The following CSMD1 variants were observed in gnomAD, a reference collection of about 807,000 sequenced individuals.
CSMD1 encodes the protein CUB and Sushi multiple domains 1.
In CSMD1, 213 loss-of-function variants were observed where a neutral mutation model predicts 417.5. The observed-to-expected ratio is 0.51, with a 90% CI of 0.46 to 0.57. The LOEUF is 0.57. Ranked by LOEUF, CSMD1 falls within the 20% of genes least tolerant of loss-of-function variation. CSMD1 has a pLI of 0.00. For missense variants in CSMD1, 6,923 were observed against 4,529.7 expected (o/e 1.53, Z -15.17); for synonymous variants, 2,862 against 1,736.8 (o/e 1.65, Z -16.11).
chr8:4,188,595 C>G (rs1439331852), intron 3 of CSMD1, among the ~76,000 whole-genome samples: 1 of 152,092 alleles, frequency 6.6e-6, no homozygotes, highest in Non-Finnish European at 1.5e-5. Context: ...CTACAGTTCA[C>G]TGCAAGCTTA....
At chr8:3,023,480 C>A (rs2128972866) in intron 51 of CSMD1, among the ~76,000 whole-genome samples, 1 of 152,188 alleles carries the variant, frequency 6.6e-6, no homozygotes, top group South Asian at 2.1e-4. Context: ...TGTGTAGCCG[C>A]CTCTACATAT....
intron 3 of CSMD1, among the ~76,000 whole-genome samples, chr8:4,134,663 T>C (rs2680595): frequency 0.18 from 27,433 of 152,142 alleles, 2,677 homozygotes; most frequent in East Asian, 0.3. Flanking sequence ...CTAGAATCAT[T>C]CAAATTTTCC....
intron 40 of CSMD1, among the ~76,000 whole-genome samples, chr8:3,147,912 T>C (rs1029176557): frequency 2.0e-5 from 3 of 152,204 alleles, no homozygotes; most frequent in Non-Finnish European, 2.9e-5. Context: ...ATCACATATA[T>C]GCCTTTTCTC....
chr8:3,331,372 G>A (rs1235836501), intron 23 of CSMD1, among the ~76,000 whole-genome samples: 1 of 152,196 alleles, frequency 6.6e-6, no homozygotes, highest in Non-Finnish European at 1.5e-5. Context: ...AATTTCAGAT[G>A]TTTGCTAACA....
At chr8:3,785,950 T>C (rs1403828336) in intron 5 of CSMD1, among the ~76,000 whole-genome samples, 2 of 152,086 alleles carry the variant, frequency 1.3e-5, no homozygotes, top group East Asian at 1.9e-4. Context: ...AGGCAGACAA[T>C]TGGGTTAGAA....
chr8:3,631,472 C>G (rs911325333), intron 7 of CSMD1, among the ~76,000 whole-genome samples: 6 of 152,178 alleles, frequency 3.9e-5, no homozygotes, highest in Non-Finnish European at 4.4e-5. Flanking sequence ...TAAAACAACA[C>G]AGAGGCTGAG....
intron 10 of CSMD1, among the ~76,000 whole-genome samples, chr8:3,516,901 C>A (rs1311012839): frequency 1.3e-5 from 2 of 152,200 alleles, no homozygotes; most frequent in African/African-American, 2.4e-5. Flanking sequence ...CAATTCACAA[C>A]TGCAAAATCG....
intron 3 of CSMD1, among the ~76,000 whole-genome samples, chr8:4,072,161 C>G (rs1255570803): frequency 2.6e-5 from 4 of 152,220 alleles, no homozygotes; most frequent in Admixed American, 2.0e-4. Flanking sequence ...TTTCAACTTT[C>G]TAGTGCTACT....
At chr8:4,398,694 C>G (rs1393397129) in intron 3 of CSMD1, among the ~76,000 whole-genome samples, 3 of 152,116 alleles carry the variant, frequency 2.0e-5, no homozygotes, top group African/African-American at 7.2e-5. Flanking sequence ...CACACCCGGC[C>G]ACTCTGCAAC....
At chr8:3,467,930 T>A (rs1303592169) in intron 12 of CSMD1, among the ~76,000 whole-genome samples, 1 of 152,224 alleles carries the variant, frequency 6.6e-6, no homozygotes, top group African/African-American at 2.4e-5. Flanking sequence ...AAAAGTAGAA[T>A]AAAATACAGT....
At position 3,336,063 on chromosome 8, in the gene CSMD1, T is replaced by C. The variant is rs142482358; in HGVS notation, c.3631+7231A>G. Among the ~76,000 whole-genome samples the C allele has an allele frequency of 3.0e-3, 452 of 152,330 alleles. 2 individuals are homozygous for C. The highest frequency in any genetic ancestry group is 0.011 in the African/African-American group (441 of 41,576). On this transcript the variant is annotated intron_variant, in intron 23 of 69. Transcript: ENST00000635120. ...GTTGAGGTTAACGTACAAAGTGCTT[T>C]GAGTAACTGAAGTTAGAAAAAAATC...
intron 12 of CSMD1, among the ~76,000 whole-genome samples, chr8:3,421,110 T>C (rs756569507): frequency 1.3e-5 from 2 of 152,202 alleles, no homozygotes; most frequent in Non-Finnish European, 2.9e-5. Context: ...TCATTTTCAG[T>C]ATGAAAAAAT....
At chr8:3,008,842 G>C (rs918020757) in intron 52 of CSMD1, among the ~76,000 whole-genome samples, 2 of 152,134 alleles carry the variant, frequency 1.3e-5, no homozygotes, top group African/African-American at 4.8e-5. Context: ...GACGCAAGGT[G>C]GACCCTCAAA....
At chr8:4,709,237 G>C (rs1373854315) in intron 1 of CSMD1, among the ~76,000 whole-genome samples, 2 of 152,200 alleles carry the variant, frequency 1.3e-5, no homozygotes, top group African/African-American at 2.4e-5. Flanking sequence ...GGCTACTCTT[G>C]TAGACTGGTG....
At chr8:3,922,685 G>A (rs2975324) in intron 5 of CSMD1, among the ~76,000 whole-genome samples, 33,634 of 151,882 alleles carry the variant, frequency 0.22, 4,826 homozygotes, top group African/African-American at 0.4. Flanking sequence ...ATCCAAATCT[G>A]TATTTTATGT....
intron 6 of CSMD1, among the ~76,000 whole-genome samples, chr8:3,723,379 G>A (rs1228946195): frequency 6.6e-6 from 1 of 152,162 alleles, no homozygotes; most frequent in Non-Finnish European, 1.5e-5. Flanking sequence ...AGTCAATTGA[G>A]CCATAAGCTA....
chr8:3,643,700 C>CG (rs1491210210), intron 7 of CSMD1, among the ~76,000 whole-genome samples: 1 of 85,354 alleles, frequency 1.2e-5, no homozygotes, highest in Admixed American at 1.3e-4. Flanking sequence ...GACTCCGTCT[C>CG]AAAAAAAAAA....
intron 49 of CSMD1, 35 bp downstream of exon 49, chr8:3,087,062 G>A: frequency 6.4e-7 from 1 of 1,574,046 alleles, no homozygotes; most frequent in Non-Finnish European, 8.7e-7. Context: ...GCAATACACA[G>A]GAAACAAGGC....
chr8:3,849,885 A>G (rs543826258), intron 5 of CSMD1, among the ~76,000 whole-genome samples: 2 of 152,218 alleles, frequency 1.3e-5, no homozygotes, highest in East Asian at 1.9e-4. Flanking sequence ...GCGCAATCTC[A>G]GCTTCCTGCA....
Sources: allele counts gnomAD v4.1 joint callset (sites outside exome capture counted in the v4.1 genomes callset), GRCh38; gene constraint gnomAD v4.1.1; transcripts MANE v1.5; gene names NCBI Gene and HGNC (gene_info 2026-07-23, HGNC 2026-07-21).